Variants in SPATA13 observed in about 807,000 individuals in gnomAD.
SPATA13 encodes the protein spermatogenesis-associated protein 13.
In SPATA13, 50 loss-of-function variants were observed where a neutral mutation model predicts 104.0. The observed-to-expected ratio is 0.48, with a 90% CI of 0.38 to 0.61. The LOEUF (loss-of-function observed/expected upper bound fraction) is 0.61, where lower values mean the gene tolerates loss of function less well. Ranked by LOEUF, SPATA13 falls within the 20% of genes least tolerant of loss-of-function variation. The pLI, the probability that SPATA13 is intolerant of heterozygous loss-of-function variation, is 0.00. For missense variants in SPATA13, 1,524 were observed against 1,690.6 expected (o/e 0.90, Z 1.73); for synonymous variants, 606 against 667.5 (o/e 0.91, Z 1.42).
intron 3 of SPATA13, among the ~76,000 whole-genome samples, chr13:24,024,335 A>G (rs1183137473): frequency 7.0e-6 from 1 of 143,822 alleles, no homozygotes; most frequent in East Asian, 2.1e-4. Flanking sequence ...TATTTATTGG[A>G]TGGATGGATG....
intron 2 of SPATA13, among the ~76,000 whole-genome samples, chr13:24,226,421 G>A (rs1017900825): frequency 9.9e-5 from 15 of 152,186 alleles, no homozygotes; most frequent in Non-Finnish European, 1.9e-4. Flanking sequence ...ACTTATTTTA[G>A]AGTAGATCAT....
chr13:24,045,047 A>G (rs180714043), intron 3 of SPATA13, among the ~76,000 whole-genome samples: 12 of 152,282 alleles, frequency 7.9e-5, no homozygotes, highest in Admixed American at 7.2e-4. Context: ...CTAAAAATAA[A>G]ATCCAGGGCG....
rs1876155127 is a variant in SPATA13 at position 24,289,071 on chromosome 13, A to G, written c.2740A>G (p.Ile914Val). 6.2e-7 allele frequency: 1 copy of G among 1,614,058 alleles called. No homozygotes were observed. Among genetic ancestry groups the G allele is most frequent in the Non-Finnish European group, 8.5e-7 (1 of 1,179,992 alleles). ...GCAGCTAGCCACTATTTTTGGAAAC[A>G]TTGAAGATATTTACAAATTCCAAAG... ...VAQLATIFGN[I>V]EDIYKFQRKF... The change falls in exon 8 of 13, where the codon ATT becomes GTT. Residue 914 changes from isoleucine to valine, a missense_variant. Transcript: ENST00000382108.
At chr13:24,061,504 G>A (rs1223627491) in intron 3 of SPATA13, among the ~76,000 whole-genome samples, 1 of 152,180 alleles carries the variant, frequency 6.6e-6, no homozygotes, top group African/African-American at 2.4e-5. Flanking sequence ...TAAAAAAAAT[G>A]TGGAACATAT....
intron 9 of SPATA13, among the ~76,000 whole-genome samples, chr13:24,293,461 C>T (rs533119452): frequency 1.1e-4 from 17 of 152,204 alleles, no homozygotes; most frequent in African/African-American, 3.9e-4. Context: ...TCCAGAAGTC[C>T]ACACCTCACT....
intron 2 of SPATA13, among the ~76,000 whole-genome samples, chr13:23,985,948 A>T (rs1875130896): frequency 6.6e-6 from 1 of 152,170 alleles, no homozygotes. Context: ...TATCCCCTGG[A>T]TTAGCTGCAA....
chr13:24,101,709 C>T (rs1419210536), intron 3 of SPATA13, among the ~76,000 whole-genome samples: 1 of 152,146 alleles, frequency 6.6e-6, no homozygotes, highest in Non-Finnish European at 1.5e-5. Context: ...GAATCACGCA[C>T]CTATATAAGT....
rs1330633768 is a variant in SPATA13 at position 24,279,661 on chromosome 13, A to T, written c.2165-4474A>T. 2.0e-5 allele frequency among the ~76,000 whole-genome samples: 3 copies of T among 152,200 alleles called. No homozygotes were observed. In the East Asian group the frequency reaches 5.8e-4, roughly 29 times the overall value. On this transcript the variant is annotated intron_variant, in intron 4 of 12. Coordinates refer to ENST00000382108, the MANE Select transcript of SPATA13 (RefSeq NM_001166271.3). ...CGTGGGATGTGAGAGGTGGAAGAAT[A>T]ACCTCTGAATAGATAAAACATACAG...
At chr13:24,278,627 A>G (rs148559364) in intron 4 of SPATA13, 34,271 of 1,470,216 alleles carry the variant, frequency 0.023, 477 homozygotes, top group Middle Eastern at 0.047. Context: ...GCTTTCATGT[A>G]TCATCATTCC....
At chr13:24,154,240 G>A (rs1882191320) in intron 3 of SPATA13, among the ~76,000 whole-genome samples, 2 of 152,108 alleles carry the variant, frequency 1.3e-5, no homozygotes, top group South Asian at 4.1e-4. Flanking sequence ...TCCACTAAAA[G>A]CATGTTCATG....
rs754704990 is a variant in SPATA13 at position 24,051,732 on chromosome 13, G to C, written c.-112+34031G>C. Among the ~76,000 whole-genome samples, 5 of 150,922 alleles carry C rather than the reference G, an allele frequency of 3.3e-5. No homozygotes were observed. Among genetic ancestry groups the C allele is most frequent in the Admixed American group, 1.3e-4 (2 of 15,230 alleles). On this transcript the variant is annotated intron_variant, in intron 3 of 14. Coordinates refer to the SPATA13 transcript ENST00000424834. The surrounding 1 kb of genome is among the most constrained non-coding windows in gnomAD (Gnocchi z 4.2). ...GAATCTTCAGAGGTGGGAGCTTTAG[G>C]GGGGAAGTGGTAGCGATTGGAGTCA...
Position 24,270,772 on chromosome 13 carries a change from T to C in SPATA13, c.2165-13363T>C. 3.1e-6 allele frequency: 5 copies of C among 1,605,332 alleles called. No homozygotes were observed. The South Asian group carries it at 5.5e-5, about 18-fold the overall frequency. On this transcript the variant is annotated intron_variant, in intron 4 of 12. Coordinates refer to ENST00000382108, the MANE Select transcript of SPATA13 (RefSeq NM_001166271.3). Reference sequence around the variant, plus strand: ...TCTGCAGTTCCCGTAGCTGCCAGCCTGTGCAGTCCTCTGTGATGCTTGGGG... The same window carrying C: ...TCTGCAGTTCCCGTAGCTGCCAGCCCGTGCAGTCCTCTGTGATGCTTGGGG...
At position 24,013,397 on chromosome 13, in the gene SPATA13, C is replaced by T. The variant is rs114364470; in HGVS notation, c.-146-4270C>T. Among the ~76,000 whole-genome samples the T allele has an allele frequency of 3.2e-3, 480 of 152,272 alleles. 1 individual carries two copies. Among genetic ancestry groups the T allele is most frequent in the African/African-American group, 0.011 (455 of 41,548 alleles). On this transcript the variant is annotated intron_variant, in intron 2 of 14. Coordinates refer to the SPATA13 transcript ENST00000424834. ...CTGCTCAGTTTCCCTCCTGGTTTGT[C>T]CCAGCTCTGGGGCCCATGGGCAGCC...
chr13:24,281,052 GCCCA>G (rs767567619), intron 4 of SPATA13, among the ~76,000 whole-genome samples: 2 of 148,474 alleles, frequency 1.3e-5, no homozygotes, highest in South Asian at 4.2e-4. Flanking sequence ...GCTCCCTGCT[GCCCA>G]CCCACCCGTG....
chr13:24,173,361 G>C lies in SPATA13; in HGVS notation c.-112+12429G>C, dbSNP rs529323939. On this transcript the variant is annotated intron_variant, in intron 1 of 12. Coordinates refer to ENST00000382108, the MANE Select transcript of SPATA13 (RefSeq NM_001166271.3). ...TGTGGAACTCACTCATTAGTTCTTA[G>C]TTGTGTGTGTGTGTGTGTGTGTGTG... Among the ~76,000 whole-genome samples, 484 of 88,428 alleles carry C rather than the reference G, an allele frequency of 5.5e-3. 2 individuals are homozygous for C. Among genetic ancestry groups the C allele is most frequent in the Non-Finnish European group, 6.5e-3 (288 of 44,092 alleles). 58.0% of individuals were successfully genotyped at this position (88,428 alleles called of 152,430 possible). A position where few individuals can be genotyped will look rare whatever the true frequency, so the allele number is the denominator to read the frequency against.
At chr13:24,129,604 G>A (rs985865000) in intron 3 of SPATA13, among the ~76,000 whole-genome samples, 5 of 152,162 alleles carry the variant, frequency 3.3e-5, no homozygotes, top group African/African-American at 7.2e-5. Flanking sequence ...CAGAGGAGAC[G>A]GGCAGGGCCA....
rs1053579271 is a variant in SPATA13 at position 24,039,303 on chromosome 13, C to A, written c.-112+21602C>A. On this transcript the variant is annotated intron_variant, in intron 3 of 14. Coordinates refer to the SPATA13 transcript ENST00000424834. ...ACCAGCTACTACTCAATTTACCAAC[C>A]TGGTGTTGACAGCTCTACCTTGCAG... 6.6e-5 allele frequency among the ~76,000 whole-genome samples: 10 copies of A among 152,324 alleles called. No individual in the cohort carries two copies. In the East Asian group the frequency reaches 1.7e-3, roughly 26 times the overall value.
At chr13:24,300,579 G>A in intron 12 of SPATA13, 104 bp downstream of exon 12, 1 of 1,039,650 alleles carries the variant, frequency 9.6e-7, no homozygotes, top group Non-Finnish European at 1.5e-6. Flanking sequence ...GGAGCAAGGA[G>A]AACAGTAGAA....
At chr13:24,237,123 C>T (rs528698530) in intron 2 of SPATA13, among the ~76,000 whole-genome samples, 2 of 152,176 alleles carry the variant, frequency 1.3e-5, no homozygotes, top group African/African-American at 2.4e-5. Context: ...TTTCTGAGGC[C>T]GAGGTGGGTG....
Sources: gnomAD v4.1 joint callset for allele counts (sites outside exome capture counted in the v4.1 genomes callset) on GRCh38, gnomAD v4.1.1 for gene constraint, Gnocchi (gnomAD v3.1) non-coding constraint, MANE v1.5 for transcripts, NCBI Gene and HGNC (gene_info 2026-07-23, HGNC 2026-07-21) for gene names.